Variants in GATAD2A observed in about 807,000 individuals in gnomAD.
GATAD2A encodes GATA zinc finger domain containing 2A.
A neutral mutation model predicts 68.5 loss-of-function variants in GATAD2A; 12 were observed. That is an observed-to-expected ratio of 0.18 (90% CI 0.11 to 0.28). GATAD2A has a LOEUF of 0.28. Among genes scored for constraint, GATAD2A ranks in the 10% least tolerant of loss-of-function variants. The pLI is 1.00. For synonymous variants in GATAD2A, 410 were observed against 375.3 expected, an observed-to-expected ratio of 1.09 and a Z score of -1.07; for missense variants, 755 against 868.5, an observed-to-expected ratio of 0.87 and a Z score of 1.64.
chr19:19,480,198 T>A (rs2058961064), intron 2 of GATAD2A, among the ~76,000 whole-genome samples: 1 of 152,150 alleles, frequency 6.6e-6, no homozygotes, highest in African/African-American at 2.4e-5. Flanking sequence ...TGCCTGACAG[T>A]TTTATCTTTT....
chr19:19,433,030 G>A lies in GATAD2A; in HGVS notation c.-7+27011G>A, dbSNP rs1442265374. Among the ~76,000 whole-genome samples, 3 of 152,210 alleles carry A rather than the reference G, an allele frequency of 2.0e-5. No homozygotes were observed. The East Asian group carries it at 5.8e-4, about 29-fold the overall frequency. On this transcript the variant is annotated intron_variant, in intron 1 of 11. Transcript: ENST00000683918. ...TGGGTGGTGGGTGGAGTCTGCCCAA[G>A]GGGACAACTCCAAATTTTAATTGCT...
At position 19,494,330 on chromosome 19, in the gene GATAD2A, C is replaced by G; in HGVS notation, c.571C>G (p.Pro191Ala). Residue 191 changes from proline (P) to alanine (A), a missense_variant, in exon 5 of 12, where the codon CCC becomes GCC. Coordinates refer to ENST00000683918, the MANE Select transcript of GATAD2A (RefSeq NM_001384528.1). The part of the protein sequence containing the change: ...GSVGSTVTTP[P>A]PLVRGTQNIP... ...TGTTGGGAGCACCGTGACCACCCCT[C>G]CCCCGCTTGTTCGGGGCACTCAGAA... 6.2e-7 allele frequency: 1 copy of G among 1,612,966 alleles called. No homozygotes were observed. Among genetic ancestry groups the G allele is most frequent in the East Asian group, 2.2e-5 (1 of 44,880 alleles).
At chr19:19,475,925 C>G (rs1192872547) in intron 2 of GATAD2A, among the ~76,000 whole-genome samples, 1 of 152,212 alleles carries the variant, frequency 6.6e-6, no homozygotes, top group East Asian at 1.9e-4. Flanking sequence ...CTGTTTCTAA[C>G]TCCCCAAGTC....
At chr19:19,471,337 C>A (rs2058294593) in intron 2 of GATAD2A, among the ~76,000 whole-genome samples, 1 of 151,754 alleles carries the variant, frequency 6.6e-6, no homozygotes, top group South Asian at 2.1e-4. Context: ...GATTACTGTT[C>A]AGCTTTATAA....
chr19:19,397,377 T>G (rs1231901988), intron 1 of GATAD2A, among the ~76,000 whole-genome samples: 3 of 151,618 alleles, frequency 2.0e-5, no homozygotes, highest in Non-Finnish European at 4.4e-5. Flanking sequence ...GAATGAGTAA[T>G]GTGTAATGAG....
chr19:19,396,492 G>GTTC (rs1568692261), intron 1 of GATAD2A, among the ~76,000 whole-genome samples: 1 of 152,138 alleles, frequency 6.6e-6, no homozygotes, highest in Non-Finnish European at 1.5e-5. Context: ...TTTCCCAGTT[G>GTTC]AGATCCCTTA....
chr19:19,475,163 C>T (rs1415153840), intron 2 of GATAD2A, among the ~76,000 whole-genome samples: 5 of 152,216 alleles, frequency 3.3e-5, no homozygotes, highest in African/African-American at 4.8e-5. Context: ...GCTCCCGGCC[C>T]GCCGGCCGGC....
intron 1 of GATAD2A, among the ~76,000 whole-genome samples, chr19:19,414,836 C>CT (rs1568713171): frequency 0.022 from 2,814 of 127,024 alleles, 119 homozygotes; most frequent in African/African-American, 0.075. Context: ...CACCCTGCCC[C>CT]CTTTTTTTTT....
At chr19:19,453,677 A>T (rs8101068) in intron 1 of GATAD2A, among the ~76,000 whole-genome samples, 7,693 of 107,928 alleles carry the variant, frequency 0.071, 257 homozygotes, top group Middle Eastern at 0.13. Flanking sequence ...TAATTTTTTT[A>T]AAATTTTTTT....
At position 19,496,423 on chromosome 19, in the gene GATAD2A, C is replaced by T. The variant is rs567184494; in HGVS notation, c.924+204C>T. Among the ~76,000 whole-genome samples the T allele has an allele frequency of 5.9e-5, 9 of 152,280 alleles. No homozygotes were observed. The South Asian group carries it at 1.9e-3, about 32-fold the overall frequency. ...GGGTCGTGGGCAGAAGTTTTGTGGG[C>T]AGACTTGCTATCCAGCACAGGTGGG... On this transcript the variant is annotated intron_variant, in intron 7 of 11. Transcript: ENST00000683918.
intron 1 of GATAD2A, among the ~76,000 whole-genome samples, chr19:19,459,800 A>G (rs2057264837): frequency 6.6e-6 from 1 of 152,176 alleles, no homozygotes. Flanking sequence ...TGGAGCTGAG[A>G]CCAAGTCTCT....
chr19:19,457,983 AG>A (rs1183022320), intron 1 of GATAD2A, among the ~76,000 whole-genome samples: 2 of 152,164 alleles, frequency 1.3e-5, no homozygotes, highest in African/African-American at 4.8e-5. Flanking sequence ...GTCTTATCCT[AG>A]GACCACTGCA....
At chr19:19,393,691 T>C (rs1308208154) in intron 1 of GATAD2A, among the ~76,000 whole-genome samples, 1 of 152,074 alleles carries the variant, frequency 6.6e-6, no homozygotes, top group Non-Finnish European at 1.5e-5. Context: ...TTCTTGGAGG[T>C]GTAGAAGTGA....
At chr19:19,422,259 C>T (rs2052515724) in intron 1 of GATAD2A, among the ~76,000 whole-genome samples, 1 of 152,210 alleles carries the variant, frequency 6.6e-6, no homozygotes, top group Non-Finnish European at 1.5e-5. Flanking sequence ...TATTTCAAGG[C>T]TCTGGGATTG....
At chr19:19,483,709 G>A (rs1354026474) in intron 2 of GATAD2A, among the ~76,000 whole-genome samples, 2 of 151,970 alleles carry the variant, frequency 1.3e-5, no homozygotes, top group Non-Finnish European at 2.9e-5. Context: ...CCACCTCCCG[G>A]GTTCACGCCA....
rs551489085 is a variant in GATAD2A at position 19,464,871 on chromosome 19, C to T, written c.-6-469C>T. On this transcript the variant is annotated intron_variant, in intron 1 of 11. Transcript: ENST00000683918. ...CTGGGGTTAACTCGAGTCACCACAG[C>T]ATAGGGCTAGTCCCAGGCCCCGACC... is the stretch of plus-strand genomic sequence containing the variant. The T allele has an allele frequency of 1.2e-3, 263 of 212,580 alleles. 1 individual carries two copies. Among genetic ancestry groups the T allele is most frequent in the South Asian group, 9.1e-3 (114 of 12,552 alleles). The allele number at this position is 212,580 out of a possible 1,614,324, so 13.2% of individuals were successfully genotyped here.
Position 19,405,923 on chromosome 19 carries a change from T to TCCGCCGC in GATAD2A, c.-101_-100insGCCGCCC, listed in dbSNP as rs2050172567. The TCCGCCGC allele has an allele frequency of 6.8e-6, 1 of 146,292 alleles. No individual in the cohort carries two copies. Among genetic ancestry groups the TCCGCCGC allele is most frequent in the African/African-American group, 2.5e-5 (1 of 40,782 alleles). The allele number at this position is 146,292 out of a possible 1,614,324, so 9.1% of individuals were successfully genotyped here. ...CGGAACGAGCGCGCGCGGCCCGGCG[T>TCCGCCGC]CCCCGGCCCCTCCGCCGCCCGGCCC... On this transcript the variant is annotated 5_prime_UTR_variant, in exon 1 of 12. It removes the in-frame stop codon of an upstream open reading frame in the 5' UTR. Transcript: ENST00000683918.
chr19:19,501,470 G>A (rs957598829), intron 9 of GATAD2A, 54 bp downstream of exon 9: 98 of 1,377,008 alleles, frequency 7.1e-5, no homozygotes, highest in Middle Eastern at 5.0e-4. Flanking sequence ...AGGCCGTTCC[G>A]CGATCCACCC....
intron 1 of GATAD2A, chr19:19,435,181 T>A: frequency 1.9e-6 from 1 of 526,098 alleles, no homozygotes; most frequent in Non-Finnish European, 3.9e-6. Context: ...TGTGTGAGCA[T>A]AGTACCTGGA....
Sources: allele counts gnomAD v4.1 joint callset (sites outside exome capture counted in the v4.1 genomes callset), GRCh38; gene constraint gnomAD v4.1.1; transcripts MANE v1.5; gene names NCBI Gene and HGNC (gene_info 2026-07-23, HGNC 2026-07-21).